The following MTF2 variants were observed in gnomAD, a reference collection of about 807,000 sequenced individuals.
The protein encoded by MTF2 is metal-response element-binding transcription factor 2.
In MTF2, 11 loss-of-function variants were observed where a neutral mutation model predicts 79.5. The ratio of observed to expected loss-of-function variants is 0.14; its 90% confidence interval spans 0.09 to 0.23. MTF2 has a LOEUF of 0.23. Ranked by LOEUF, MTF2 falls within the 10% of genes least tolerant of loss-of-function variation. The pLI is 1.00. For missense variants in MTF2, 486 were observed against 711.2 expected (o/e 0.68, Z 3.60); for synonymous variants, 208 against 232.8 (o/e 0.89, Z 0.97).
chr1:93,121,363 G>T (rs1656469771), intron 9 of MTF2: 1 of 814,814 alleles, frequency 1.2e-6, no homozygotes, highest in African/African-American at 1.9e-5. Context: ...CTTTTATTTA[G>T]AATTACTAAA....
chr1:93,108,400 G>GT (rs970442282), intron 1 of MTF2, among the ~76,000 whole-genome samples: 51 of 152,202 alleles, frequency 3.4e-4, no homozygotes, highest in Admixed American at 2.9e-3. Flanking sequence ...TTATCTGGGA[G>GT]TTTGTATTTC....
chr1:93,125,379 G>C (rs1275307565), intron 9 of MTF2, among the ~76,000 whole-genome samples: 1 of 149,704 alleles, frequency 6.7e-6, no homozygotes, highest in Non-Finnish European at 1.5e-5. Flanking sequence ...CTTGATTTCA[G>C]ATGAGATATT....
intron 1 of MTF2, among the ~76,000 whole-genome samples, chr1:93,107,865 C>T (rs1655866777): frequency 6.6e-6 from 1 of 151,832 alleles, no homozygotes; most frequent in African/African-American, 2.4e-5. Context: ...ACTGCAGTCT[C>T]GACCTCCTGG....
intron 1 of MTF2, among the ~76,000 whole-genome samples, chr1:93,105,331 A>G (rs919119961): frequency 3.3e-5 from 5 of 152,156 alleles, no homozygotes; most frequent in African/African-American, 1.2e-4. Context: ...AACGGAGCAC[A>G]AAGAATCAAG....
intron 10 of MTF2, 40 bp downstream of exon 10, chr1:93,127,339 T>C (rs1158042124): frequency 7.9e-7 from 1 of 1,270,480 alleles, no homozygotes; most frequent in Admixed American, 1.7e-5. Flanking sequence ...GAGGGAGACA[T>C]TTAGTAAGTA....
intron 1 of MTF2, among the ~76,000 whole-genome samples, chr1:93,089,887 G>A (rs970813159): frequency 6.8e-6 from 1 of 146,658 alleles, no homozygotes; most frequent in African/African-American, 2.5e-5. Flanking sequence ...CTCTGTCACC[G>A]AGGCTGGAGT....
intron 1 of MTF2, among the ~76,000 whole-genome samples, chr1:93,090,527 C>T (rs1417025407): frequency 6.6e-6 from 1 of 152,186 alleles, no homozygotes; most frequent in Non-Finnish European, 1.5e-5. Context: ...GGATTACAGG[C>T]ATGAGCCACT....
intron 6 of MTF2, 140 bp from the exon 7 acceptor site, chr1:93,118,205 A>G: frequency 2.2e-6 from 1 of 454,524 alleles, no homozygotes; most frequent in Non-Finnish European, 3.9e-6. Context: ...AAATATTTAC[A>G]GTAAGTATAG....
chr1:93,135,419 C>G (rs930889487), intron 14 of MTF2, among the ~76,000 whole-genome samples: 1 of 152,188 alleles, frequency 6.6e-6, no homozygotes, highest in African/African-American at 2.4e-5. Flanking sequence ...ATGCAAAATT[C>G]TACATTAAAT....
At chr1:93,134,515 A>C in intron 14 of MTF2, 1 of 224,180 alleles carries the variant, frequency 4.5e-6, no homozygotes, top group Non-Finnish European at 8.6e-6. Context: ...TTGCTTTAGG[A>C]AGATATGATT....
At chr1:93,121,119 T>C (rs980053334) in intron 9 of MTF2, 2 of 982,936 alleles carry the variant, frequency 2.0e-6, no homozygotes, top group Non-Finnish European at 2.4e-6. Flanking sequence ...AATAATATTG[T>C]TAGAAAAATG....
intron 1 of MTF2, among the ~76,000 whole-genome samples, chr1:93,106,574 C>G (rs1655799335): frequency 6.7e-6 from 1 of 148,358 alleles, no homozygotes; most frequent in Non-Finnish European, 1.5e-5. Context: ...GGCTGGAGTG[C>G]AATGGTGCGA....
Position 93,131,801 on chromosome 1 carries a change from G to A in MTF2, c.1161-1902G>A, listed in dbSNP as rs137943108. ...GAGTAGAAGCCAAAAGAGAAGGGAT[G>A]TAGAGCCTGAATGTGGGACTGGCCT... is the stretch of plus-strand genomic sequence containing the variant. On this transcript the variant is annotated intron_variant, in intron 11 of 14. Coordinates refer to ENST00000370298, the MANE Select transcript of MTF2 (RefSeq NM_007358.4). 3.3e-5 allele frequency among the ~76,000 whole-genome samples: 5 copies of A among 152,292 alleles called. No homozygotes were observed. In the East Asian group the frequency reaches 9.6e-4, roughly 29 times the overall value.
At position 93,137,274 on chromosome 1, in the gene MTF2, A is replaced by G. The variant is rs909881469; in HGVS notation, c.*247A>G. On this transcript the variant is annotated 3_prime_UTR_variant, in exon 15 of 15. Transcript: ENST00000370298. ...ATCTTAAGATTTGTAGAATGTTTCTAGGATAGGATATTAAAAATGATTGAA... is the reference window on the plus strand; with the variant it reads ...ATCTTAAGATTTGTAGAATGTTTCTGGGATAGGATATTAAAAATGATTGAA... The G allele has an allele frequency of 8.9e-6, 3 of 336,724 alleles. No homozygotes were observed. Among genetic ancestry groups the G allele is most frequent in the East Asian group, 9.5e-5 (2 of 21,020 alleles). 20.9% of individuals were successfully genotyped at this position (336,724 alleles called of 1,614,324 possible).
At position 93,079,329 on chromosome 1, in the gene MTF2, G is replaced by A; in HGVS notation, c.-198G>A. On this transcript the variant is annotated 5_prime_UTR_variant, in exon 1 of 15. The change creates a new upstream start codon in the 5' untranslated region. Coordinates refer to ENST00000370298, the MANE Select transcript of MTF2 (RefSeq NM_007358.4). ...GCGAGGGGCTGTATTGAAGTGGGCT[G>A]TGTTTGAGGCCGGTGTAAGAACGCT... 1.6e-6 allele frequency: 1 copy of A among 636,132 alleles called. No homozygotes were observed. Among genetic ancestry groups the A allele is most frequent in the South Asian group, 1.9e-5 (1 of 54,052 alleles). The allele number at this position is 636,132 out of a possible 1,614,324, so 39.4% of individuals were successfully genotyped here.
At chr1:93,136,576 G>T (rs1647406787) in intron 14 of MTF2, 94 bp from the exon 15 acceptor site, 1 of 991,878 alleles carries the variant, frequency 1.0e-6, no homozygotes, top group Non-Finnish European at 1.5e-6. Context: ...AGGATATATG[G>T]TATAGTAGAG....
At chr1:93,087,326 C>T (rs1210899575) in intron 1 of MTF2, among the ~76,000 whole-genome samples, 1 of 152,130 alleles carries the variant, frequency 6.6e-6, no homozygotes, top group Admixed American at 6.5e-5. Context: ...AATCCCAGCA[C>T]TTTGGGAGGC....
intron 3 of MTF2, among the ~76,000 whole-genome samples, chr1:93,111,771 A>G (rs938482881): frequency 1.3e-5 from 2 of 152,178 alleles, no homozygotes; most frequent in African/African-American, 2.4e-5. Context: ...GAGATCTCCA[A>G]CACTACTAAT....
intron 14 of MTF2, among the ~76,000 whole-genome samples, chr1:93,135,809 TCAAA>T (rs976297565): frequency 6.6e-5 from 10 of 152,232 alleles, no homozygotes; most frequent in Non-Finnish European, 8.8e-5. Flanking sequence ...AGACCTTGTC[TCAAA>T]CAAACAAAAG....
Sources: gnomAD v4.1 joint callset for allele counts (sites outside exome capture counted in the v4.1 genomes callset) on GRCh38, gnomAD v4.1.1 for gene constraint, MANE v1.5 for transcripts, NCBI Gene and HGNC (gene_info 2026-07-23, HGNC 2026-07-21) for gene names.